Variants in ESR1 observed in about 807,000 individuals in gnomAD.
The protein encoded by ESR1 is estrogen receptor.
ESR1 carries 12 observed loss-of-function variants against 52.7 expected under a neutral mutation model. The observed-to-expected ratio is 0.23, with a 90% CI of 0.15 to 0.37. ESR1 has a LOEUF of 0.37. Ranked by LOEUF, ESR1 falls within the 10% of genes least tolerant of loss-of-function variation. ESR1 has a pLI of 1.00. For synonymous variants in ESR1, 305 were observed against 316.8 expected (o/e 0.96, Z 0.39); for missense variants, 584 against 779.7 (o/e 0.75, Z 2.99).
In ESR1 at chr6:151,832,120, G is replaced by A. The variant is rs556551864; in HGVS notation, c.453-10477G>A. On this transcript the variant is annotated intron_variant, in intron 1 of 7. Coordinates refer to ENST00000206249, the MANE Select transcript of ESR1 (RefSeq NM_000125.4). ...ATCACTAAATAGATAATATGAGATA[G>A]ATGTATTAAGTTTTCAGATAAACAG... 2.0e-5 allele frequency among the ~76,000 whole-genome samples: 3 copies of A among 152,190 alleles called. No individual in the cohort carries two copies. In the South Asian group the frequency reaches 6.2e-4, roughly 32 times the overall value.
intron 4 of ESR1, among the ~76,000 whole-genome samples, chr6:151,956,487 C>A (rs1338370691): frequency 6.6e-6 from 1 of 152,142 alleles, no homozygotes; most frequent in African/African-American, 2.4e-5. Context: ...AATTGTGTGC[C>A]AGGTGCTGTT....
chr6:151,962,291 A>T (rs2037755452), intron 4 of ESR1, among the ~76,000 whole-genome samples: 1 of 152,014 alleles, frequency 6.6e-6, no homozygotes, highest in Non-Finnish European at 1.5e-5. Context: ...GGAGGCTCAG[A>T]TGGAATAATT....
intron 2 of ESR1, among the ~76,000 whole-genome samples, chr6:151,865,725 A>T (rs1789779202): frequency 6.6e-6 from 1 of 152,218 alleles, no homozygotes; most frequent in Non-Finnish European, 1.5e-5. Context: ...CCTTTCACCG[A>T]TGAGGACCTG....
chr6:152,031,660 C>G (rs1175077613), intron 5 of ESR1, among the ~76,000 whole-genome samples: 1 of 151,778 alleles, frequency 6.6e-6, no homozygotes, highest in African/African-American at 2.4e-5. Context: ...GCTTACCAAT[C>G]AAAAAAAAGT....
intron 5 of ESR1, among the ~76,000 whole-genome samples, chr6:152,035,906 T>A (rs1052137872): frequency 2.0e-5 from 3 of 152,134 alleles, no homozygotes; most frequent in African/African-American, 7.2e-5. Context: ...AAAACAATAA[T>A]TCCAGATGAA....
At chr6:152,125,357 G>T (rs1314675932) in exon 7 of ESR1, 1 of 1,549,598 alleles carries the variant, frequency 6.5e-7, no homozygotes, top group Non-Finnish European at 8.7e-7. Flanking sequence ...AAAGCCTCTG[G>T]TCATAAGGCC....
At chr6:152,111,738 C>G (rs576938305) in intron 6 of ESR1, among the ~76,000 whole-genome samples, 1 of 152,058 alleles carries the variant, frequency 6.6e-6, no homozygotes, top group Non-Finnish European at 1.5e-5. Context: ...CTGCAGGAAC[C>G]GTGTCGCTGT....
chr6:151,687,484 G>T (rs923025340), upstream of ESR1, among the ~76,000 whole-genome samples: 1 of 152,170 alleles, frequency 6.6e-6, no homozygotes, highest in African/African-American at 2.4e-5. Flanking sequence ...AACGAATAAA[G>T]AATTTTGGCA....
At chr6:151,687,470 G>A (rs1778735176), upstream of ESR1, among the ~76,000 whole-genome samples, 1 of 152,212 alleles carries the variant, frequency 6.6e-6, no homozygotes, top group Non-Finnish European at 1.5e-5. Context: ...TCTTTGCTGA[G>A]AAGAACGAAT....
intron 3 of ESR1, among the ~76,000 whole-genome samples, chr6:151,883,162 C>T (rs1793242997): frequency 2.0e-5 from 3 of 151,818 alleles, no homozygotes; most frequent in Admixed American, 2.0e-4. Context: ...CTCTGTTGGC[C>T]AGGATGGAGT....
rs1413362323 is a variant in ESR1, at chr6:152,100,294, GA to G, written c.*1329del. 2.6e-6 allele frequency: 1 copy of G among 390,678 alleles called. No homozygotes were observed. Among genetic ancestry groups the G allele is most frequent in the South Asian group, 1.4e-4 (1 of 6,946 alleles). 24.2% of individuals were successfully genotyped at this position (390,678 alleles called of 1,614,324 possible). A position where few individuals can be genotyped will look rare whatever the true frequency, so the allele number is the denominator to read the frequency against. On this transcript the variant is annotated 3_prime_UTR_variant, in exon 8 of 8. Transcript: ENST00000206249. ...CCCTGGGGCACGGGAGAAGGGTGGG[GA>G]CCGTTGCTGTCACTACTCAGGCTGA...
At chr6:151,759,510 TATAATAATA>T (rs530377619) in intron 2 of ESR1, among the ~76,000 whole-genome samples, 1 of 151,258 alleles carries the variant, frequency 6.6e-6, no homozygotes, top group Non-Finnish European at 1.5e-5. Context: ...AAACTTAAAG[TATAATAATA>T]ATAATAATAA....
chr6:152,077,761 T>G (rs536072742), intron 6 of ESR1, among the ~76,000 whole-genome samples: 2 of 152,334 alleles, frequency 1.3e-5, no homozygotes, highest in African/African-American at 4.8e-5. Flanking sequence ...GTGTGGGCCC[T>G]GTAACCCCTT....
chr6:152,034,517 T>G (rs376892938), intron 5 of ESR1, among the ~76,000 whole-genome samples: 12 of 151,994 alleles, frequency 7.9e-5, no homozygotes, highest in African/African-American at 2.9e-4. Context: ...TAATTAAGTC[T>G]ATGTTCTGAA....
intron 2 of ESR1, among the ~76,000 whole-genome samples, chr6:151,778,802 T>C (rs2128118806): frequency 6.6e-6 from 1 of 152,316 alleles, no homozygotes; most frequent in East Asian, 1.9e-4. Flanking sequence ...TGTGGAAATT[T>C]CTTTATGTGA....
chr6:152,116,992 G>A (rs1301205250), intron 6 of ESR1, among the ~76,000 whole-genome samples: 1 of 152,108 alleles, frequency 6.6e-6, no homozygotes, highest in African/African-American at 2.4e-5. Flanking sequence ...GAGTTAAAGG[G>A]CCCAAAGATG....
chr6:151,690,579 T>G (rs1202355764), exon 1 of ESR1: 5 of 152,230 alleles, frequency 3.3e-5, no homozygotes. Context: ...AGAAGCTCTT[T>G]AACAGGCTCG....
intron 5 of ESR1, among the ~76,000 whole-genome samples, chr6:152,039,019 A>T (rs181038020): frequency 1.3e-5 from 2 of 152,230 alleles, no homozygotes; most frequent in Non-Finnish European, 2.9e-5. Context: ...AAGTGTATAC[A>T]GGCAGAAAGA....
At position 151,880,693 on chromosome 6, in the gene ESR1, A is replaced by T; in HGVS notation, c.682A>T (p.Thr228Ser). The change falls in exon 3 of 8, where the codon ACC becomes TCC. Residue 228 changes from threonine to serine, a missense_variant. Thr to Ser is a moderately conservative substitution (Grantham distance 58). Around this residue, in one of 6 missense-constraint regions of ESR1, gnomAD observed 25 missense variants for 53.0 expected, o/e 0.47. Transcript: ENST00000206249. ...DYMCPATNQC[T>S]IDKNRRKSCQ... ...TATGTGTCCAGCCACCAACCAGTGC[A>T]CCATTGATAAAAACAGGAGGAAGAG... 1 of 1,613,040 alleles carries T rather than the reference A, an allele frequency of 6.2e-7. No homozygotes were observed.
Sources: allele counts gnomAD v4.1 joint callset (sites outside exome capture counted in the v4.1 genomes callset), GRCh38; gene constraint gnomAD v4.1.1; regional missense constraint gnomAD v4.1.1; transcripts MANE v1.5; gene names NCBI Gene and HGNC (gene_info 2026-07-23, HGNC 2026-07-21).